The following EEIG2 variants were observed in gnomAD, a reference collection of about 807,000 sequenced individuals.
The protein encoded by EEIG2 is EEIG family member 2, also known as family with sequence similarity 102 member B.
At chr1:108,587,939 A>G in the EEIG2 span, among the ~76,000 whole-genome samples, 7 of 152,198 alleles carry the variant, frequency 4.6e-5, no homozygotes, top group Admixed American at 2.0e-4. Context: ...GGTTCCACAT[A>G]TAAGTGAGAT....
the EEIG2 span, among the ~76,000 whole-genome samples, chr1:108,617,961 T>C: frequency 6.6e-6 from 1 of 152,136 alleles, no homozygotes; most frequent in Non-Finnish European, 1.5e-5. Flanking sequence ...CTAAAGCCTT[T>C]TGAGCATGGG....
At chr1:108,606,296 CT>C in the EEIG2 span, 1 of 1,384,642 alleles carries the variant, frequency 7.2e-7, no homozygotes, top group East Asian at 2.4e-5. Context: ...TGTAATGTTG[CT>C]TATTGCTATT....
At chr1:108,563,431 A>G in the EEIG2 span, among the ~76,000 whole-genome samples, 3 of 152,192 alleles carry the variant, frequency 2.0e-5, no homozygotes, top group Admixed American at 1.3e-4. Flanking sequence ...GTAGGACTGT[A>G]TGCTGAGTCC....
At chr1:108,597,544 C>G in the EEIG2 span, among the ~76,000 whole-genome samples, 313 of 152,350 alleles carry the variant, frequency 2.1e-3, no homozygotes, top group African/African-American at 7.1e-3. Context: ...GATCAATCCT[C>G]TGCTGTGTCC....
chr1:108,595,167 T>G, the EEIG2 span, among the ~76,000 whole-genome samples: 6 of 152,096 alleles, frequency 3.9e-5, no homozygotes, highest in Non-Finnish European at 8.8e-5. Context: ...ATTCCACTTA[T>G]TTCACAAACA....
chr1:108,615,786 T>TAA, the EEIG2 span, among the ~76,000 whole-genome samples: 4 of 114,518 alleles, frequency 3.5e-5, no homozygotes, highest in Non-Finnish European at 1.9e-5. Flanking sequence ...TCTCAAGAAT[T>TAA]AAAAAAAAAA....
At chr1:108,572,519 A>G in the EEIG2 span, among the ~76,000 whole-genome samples, 1 of 152,112 alleles carries the variant, frequency 6.6e-6, no homozygotes, top group Non-Finnish European at 1.5e-5. Flanking sequence ...TCACCAATCT[A>G]GTATCATACA....
chr1:108,598,355 A>G, the EEIG2 span, among the ~76,000 whole-genome samples: 1,061 of 142,040 alleles, frequency 7.5e-3, 14 homozygotes, highest in African/African-American at 0.029. Context: ...AAAAAAAAAA[A>G]AAATCTGGAT....
chr1:108,638,586 T>C, the EEIG2 span: 6 of 152,202 alleles, frequency 3.9e-5, no homozygotes, highest in Non-Finnish European at 8.8e-5. Context: ...TTAACAGGTC[T>C]TTAAATTGGG....
At chr1:108,622,836 C>T in the EEIG2 span, among the ~76,000 whole-genome samples, 2 of 152,180 alleles carry the variant, frequency 1.3e-5, no homozygotes, top group Non-Finnish European at 2.9e-5. Flanking sequence ...TGCCATAAAG[C>T]AGGTCAGCTG....
At chr1:108,565,883 T>C in the EEIG2 span, among the ~76,000 whole-genome samples, 1 of 152,168 alleles carries the variant, frequency 6.6e-6, no homozygotes, top group African/African-American at 2.4e-5. Flanking sequence ...TATGGACAAC[T>C]TAGAAAATAG....
chr1:108,613,094 CA>C, the EEIG2 span, among the ~76,000 whole-genome samples: 1 of 152,162 alleles, frequency 6.6e-6, no homozygotes, highest in African/African-American at 2.4e-5. Flanking sequence ...TTGTAACCCT[CA>C]CACAAATTTA....
the EEIG2 span, chr1:108,628,464 G>A: frequency 6.2e-7 from 1 of 1,614,098 alleles, no homozygotes; most frequent in Non-Finnish European, 8.5e-7. Flanking sequence ...ACCTCAGTGG[G>A]AAGCACATCA....
At chr1:108,624,752 T>G in the EEIG2 span, 1 of 1,609,434 alleles carries the variant, frequency 6.2e-7, no homozygotes, top group Non-Finnish European at 8.5e-7. Flanking sequence ...ATAGCAGGTA[T>G]GGATGTGTGG....
At chr1:108,628,570 A>T in the EEIG2 span, 6 of 1,607,438 alleles carry the variant, frequency 3.7e-6, no homozygotes, top group South Asian at 6.7e-5. Context: ...ATACAGCTTC[A>T]GAAAAACTCA....
chr1:108,612,289 C>T, the EEIG2 span: 23 of 1,594,844 alleles, frequency 1.4e-5, no homozygotes, highest in Non-Finnish European at 2.0e-5. Context: ...TAATTCCATT[C>T]TTAAAGTAAG....
chr1:108,586,784 T>C, the EEIG2 span, among the ~76,000 whole-genome samples: 2 of 152,282 alleles, frequency 1.3e-5, no homozygotes, highest in East Asian at 3.9e-4. Flanking sequence ...CATAAATTTA[T>C]TGATCTGGAA....
chr1:108,600,622 A>C, the EEIG2 span: 1 of 1,611,998 alleles, frequency 6.2e-7, no homozygotes, highest in Non-Finnish European at 8.5e-7. Context: ...TTTATGTGCA[A>C]AATGAGTGCA....
At chr1:108,601,561 T>C in the EEIG2 span, among the ~76,000 whole-genome samples, 10 of 151,988 alleles carry the variant, frequency 6.6e-5, no homozygotes, top group Non-Finnish European at 1.3e-4. Flanking sequence ...AAACATTTTA[T>C]GCATTACAAA....
Sources: allele counts gnomAD v4.1 joint callset (sites outside exome capture counted in the v4.1 genomes callset), GRCh38; gene constraint gnomAD v4.1.1; transcripts MANE v1.5; gene names NCBI Gene and HGNC (gene_info 2026-07-23, HGNC 2026-07-21).